Variants in ADD3 observed in about 807,000 individuals in gnomAD.
ADD3 encodes the protein adducin 3, also known as gamma-adducin.
In ADD3, 25 loss-of-function variants were observed where a neutral mutation model predicts 80.2. The ratio of observed to expected loss-of-function variants is 0.31; its 90% CI spans 0.23 to 0.44. The LOEUF is 0.44. Among genes scored for constraint, ADD3 ranks in the 20% least tolerant of loss-of-function variants. ADD3 has a pLI of 1.00. For synonymous variants in ADD3, 284 were observed against 289.6 expected, an observed-to-expected ratio of 0.98 and a Z score of 0.20; for missense variants, 829 against 847.5, an observed-to-expected ratio of 0.98 and a Z score of 0.27.
upstream of ADD3, among the ~76,000 whole-genome samples, chr10:110,002,521 ACCTCGGCCTC>A: frequency 6.6e-6 from 1 of 151,982 alleles, no homozygotes; most frequent in African/African-American, 2.4e-5. Flanking sequence ...TGATCTGCCT[ACCTCGGCCTC>A]CCAAAGTGCT....
chr10:110,130,037 A>C (rs1218183867), intron 12 of ADD3, among the ~76,000 whole-genome samples: 1 of 152,184 alleles, frequency 6.6e-6, no homozygotes, highest in Non-Finnish European at 1.5e-5. Flanking sequence ...TTTAAAATGG[A>C]GCAATTCTTG....
intron 3 of ADD3, among the ~76,000 whole-genome samples, chr10:110,114,369 A>G (rs1850429606): frequency 6.6e-6 from 1 of 152,358 alleles, no homozygotes; most frequent in East Asian, 1.9e-4. Flanking sequence ...TTTTCCATTG[A>G]AATATTCTCT....
At chr10:110,125,142 T>C (rs1851986243) in intron 10 of ADD3, among the ~76,000 whole-genome samples, 1 of 152,144 alleles carries the variant, frequency 6.6e-6, no homozygotes, top group African/African-American at 2.4e-5. Flanking sequence ...ATTTCTTGCC[T>C]CCCAGTAAAA....
At chr10:110,003,430 A>G (rs1310366764), upstream of ADD3, among the ~76,000 whole-genome samples, 1 of 152,142 alleles carries the variant, frequency 6.6e-6, no homozygotes, top group Admixed American at 6.5e-5. Context: ...GAACTAGATA[A>G]TTGATTTTAA....
At chr10:110,007,950 A>G (rs1221652069), upstream of ADD3, 1 of 149,230 alleles carries the variant, frequency 6.7e-6, no homozygotes, top group Admixed American at 6.6e-5. Context: ...GGCGGGACCA[A>G]GGGACGCTCG....
intron 1 of ADD3, among the ~76,000 whole-genome samples, chr10:109,999,745 A>C (rs114607016): frequency 0.014 from 2,078 of 152,222 alleles, 58 homozygotes; most frequent in African/African-American, 0.047. Context: ...ATCATATCTT[A>C]ATAATTATTA....
chr10:110,031,909 T>C (rs547676758), intron 1 of ADD3, among the ~76,000 whole-genome samples: 1 of 151,972 alleles, frequency 6.6e-6, no homozygotes, highest in East Asian at 1.9e-4. Flanking sequence ...CTCAATACTT[T>C]TTTTTTTTTG....
In ADD3 at chr10:110,112,914, C is replaced by T. The variant is rs766296422; in HGVS notation, c.333C>T (p.Leu111=). 1 of 1,612,812 alleles carries T rather than the reference C, an allele frequency of 6.2e-7. No individual in the cohort carries two copies. The highest frequency in any genetic ancestry group is 1.3e-5 in the African/African-American group (1 of 74,952). The change falls in exon 3 of 15, where the codon CTC becomes CTT. Residue 111 remains leucine (L), a splice_region_variant and synonymous_variant. Coordinates refer to ENST00000356080, the MANE Select transcript of ADD3 (RefSeq NM_016824.5). ...TCTCGGGTTTTTCTTCACCTCCTCT[C>T]AGTATGTCAGTTTTGGAGAGTTTTA... is the stretch of plus-strand genomic sequence containing the variant. ...NSFSGFSSPP[L]SLGMVTPIND... is the part of the protein sequence containing the mutation.
At chr10:110,068,632 A>G (rs1484615472) in intron 1 of ADD3, among the ~76,000 whole-genome samples, 3 of 152,198 alleles carry the variant, frequency 2.0e-5, no homozygotes, top group African/African-American at 7.2e-5. Context: ...TTCATTGAGG[A>G]TTTCCTACTC....
chr10:110,105,969 A>G (rs1015454024), intron 2 of ADD3: 5 of 152,168 alleles, frequency 3.3e-5, no homozygotes, highest in Non-Finnish European at 7.4e-5. Context: ...AGAAGAAAAT[A>G]TGGTTTATTT....
At chr10:110,046,685 C>T (rs1278874969) in intron 1 of ADD3, among the ~76,000 whole-genome samples, 1 of 152,108 alleles carries the variant, frequency 6.6e-6, no homozygotes, top group East Asian at 1.9e-4. Flanking sequence ...TTGTTTTCCT[C>T]ATCTACAAGA....
intron 1 of ADD3, among the ~76,000 whole-genome samples, chr10:110,027,970 A>C (rs7069079): frequency 0.12 from 18,967 of 152,150 alleles, 3,776 homozygotes; most frequent in African/African-American, 0.42. Flanking sequence ...GGGGGAAGAA[A>C]AGTTGGGACA....
upstream of ADD3, among the ~76,000 whole-genome samples, chr10:110,006,956 G>C (rs189125863): frequency 6.4e-4 from 97 of 152,224 alleles, 1 homozygote; most frequent in Non-Finnish European, 1.1e-3. Flanking sequence ...GGGTGTGCTT[G>C]CAAGTGTACT....
intron 1 of ADD3, among the ~76,000 whole-genome samples, chr10:110,059,331 G>A (rs994731786): frequency 6.6e-6 from 1 of 152,190 alleles, no homozygotes; most frequent in Non-Finnish European, 1.5e-5. Context: ...AATTAGCTGG[G>A]CGTGGTGGCG....
chr10:110,105,647 T>C (rs1849322597), intron 2 of ADD3, among the ~76,000 whole-genome samples: 1 of 152,198 alleles, frequency 6.6e-6, no homozygotes, highest in South Asian at 2.1e-4. Context: ...TATGTGGTGG[T>C]AGCCTGGGCA....
intron 5 of ADD3, among the ~76,000 whole-genome samples, chr10:110,117,930 C>T (rs983633302): frequency 3.3e-5 from 5 of 151,642 alleles, no homozygotes; most frequent in African/African-American, 7.3e-5. Context: ...GCAGGAGAAT[C>T]GCTTGAATCC....
rs112718342 is a variant in ADD3 at position 110,132,973 on chromosome 10, A to G, written c.1829-353A>G. ...AATTTGTGGAATTAAACATCTCCCAATCAGCAGCATGAAATCTTTTTCAGT... is the reference window on the plus strand; with the variant it reads ...AATTTGTGGAATTAAACATCTCCCAGTCAGCAGCATGAAATCTTTTTCAGT... On this transcript the variant is annotated intron_variant, in intron 14 of 14. Transcript: ENST00000356080. Among the ~76,000 whole-genome samples the G allele has an allele frequency of 3.3e-5, 5 of 152,020 alleles. No homozygotes were observed. In the East Asian group the frequency reaches 7.7e-4, roughly 23 times the overall value.
intron 14 of ADD3, 40 bp from the exon 15 acceptor site, chr10:110,133,282 TTAAG>T (rs749498907): frequency 2.6e-6 from 4 of 1,524,804 alleles, no homozygotes; most frequent in Admixed American, 4.2e-5. Flanking sequence ...AGCAAAAATG[TTAAG>T]TATGTAAAAT....
At position 110,018,526 on chromosome 10, in the gene ADD3, CAAAAAAAAA is replaced by C. The variant is rs59949041; in HGVS notation, c.-30+10244_-30+10252del. Reference sequence around the variant, plus strand: ...CTGGGTGACAAGTGAGACTTTGTCTCAAAAAAAAAAAAAAAAAAAAAAAAAGAGTTGGAG... The same window carrying C: ...CTGGGTGACAAGTGAGACTTTGTCTCAAAAAAAAAAAAAAAAGAGTTGGAG... On this transcript the variant is annotated intron_variant, in intron 1 of 14. Transcript: ENST00000356080. 3.8e-3 allele frequency among the ~76,000 whole-genome samples: 186 copies of C among 49,544 alleles called. 2 individuals carry two copies. Among genetic ancestry groups the C allele is most frequent in the Middle Eastern group, 0.015 (1 of 66 alleles). The allele number at this position is 49,544 out of a possible 152,430, so 32.5% of individuals were successfully genotyped here. A position where few individuals can be genotyped will look rare whatever the true frequency, so the allele number is the denominator to read the frequency against.
Sources: gnomAD v4.1 joint callset for allele counts (sites outside exome capture counted in the v4.1 genomes callset) on GRCh38, gnomAD v4.1.1 for gene constraint, MANE v1.5 for transcripts, NCBI Gene and HGNC (gene_info 2026-07-23, HGNC 2026-07-21) for gene names.